The following GLIS3 variants were observed in gnomAD, a reference collection of about 807,000 sequenced individuals.
GLIS3 encodes GLIS family zinc finger 3.
In GLIS3, 53 loss-of-function variants were observed where a neutral mutation model predicts 78.6. The observed-to-expected ratio is 0.67, with a 90% CI of 0.54 to 0.85. GLIS3 has a LOEUF of 0.85. GLIS3 is among the 40% of genes least tolerant of loss of function. GLIS3 has a pLI of 0.00. For missense variants in GLIS3, 1,703 were observed against 1,231.1 expected, an observed-to-expected ratio of 1.38 and a Z score of -5.74; for synonymous variants, 684 against 509.9, an observed-to-expected ratio of 1.34 and a Z score of -4.60.
intron 2 of GLIS3, among the ~76,000 whole-genome samples, chr9:4,180,445 C>T (rs945840456): frequency 1.3e-5 from 2 of 152,158 alleles, no homozygotes; most frequent in African/African-American, 2.4e-5. Context: ...TCCTCATCAG[C>T]AAGGATGCCC....
chr9:4,371,756 A>C, the GLIS3 span, among the ~76,000 whole-genome samples: 1 of 152,204 alleles, frequency 6.6e-6, no homozygotes, highest in Non-Finnish European at 1.5e-5. Flanking sequence ...CTTAGGCTTT[A>C]AAGTGGGTCC....
chr9:3,959,429 G>A (rs757594737), intron 4 of GLIS3, among the ~76,000 whole-genome samples: 3 of 152,166 alleles, frequency 2.0e-5, no homozygotes, highest in Non-Finnish European at 4.4e-5. Context: ...GAGGACTAAG[G>A]CAGCTTTAAA....
the GLIS3 span, among the ~76,000 whole-genome samples, chr9:4,416,771 G>A: frequency 6.7e-6 from 1 of 148,768 alleles, no homozygotes; most frequent in African/African-American, 2.5e-5. Context: ...TGCATATCTA[G>A]AGTCTCTCAA....
chr9:4,137,676 G>C (rs908077907), intron 2 of GLIS3, among the ~76,000 whole-genome samples: 4 of 152,098 alleles, frequency 2.6e-5, no homozygotes, highest in African/African-American at 4.8e-5. Context: ...GTATTCTAAA[G>C]TCCCATCCGT....
chr9:3,880,451 C>A (rs777195536), intron 7 of GLIS3, among the ~76,000 whole-genome samples: 1 of 152,210 alleles, frequency 6.6e-6, no homozygotes. Flanking sequence ...ACTCCGTAGA[C>A]ATCTCATTAT....
At chr9:4,360,752 AGTTGT>A in the GLIS3 span, among the ~76,000 whole-genome samples, 2 of 152,142 alleles carry the variant, frequency 1.3e-5, no homozygotes, top group African/African-American at 4.8e-5. Context: ...CCTGACACAG[AGTTGT>A]GTTGAGTGTG....
intron 2 of GLIS3, among the ~76,000 whole-genome samples, chr9:4,244,665 C>G (rs1823631687): frequency 6.6e-6 from 1 of 152,092 alleles, no homozygotes; most frequent in South Asian, 2.1e-4. Context: ...ACCTCTACCT[C>G]CTGGGTTCAA....
chr9:4,107,003 T>A (rs1420796052), intron 4 of GLIS3, among the ~76,000 whole-genome samples: 2 of 152,012 alleles, frequency 1.3e-5, no homozygotes, highest in African/African-American at 4.8e-5. Context: ...ATGGAATCCT[T>A]GGAGAGTCAA....
At chr9:4,482,141 G>C in the GLIS3 span, among the ~76,000 whole-genome samples, 4 of 152,120 alleles carry the variant, frequency 2.6e-5, no homozygotes, top group African/African-American at 9.7e-5. Flanking sequence ...ACTTGGTCAA[G>C]GACATACAGC....
At chr9:4,242,520 C>A (rs1405545229) in intron 2 of GLIS3, among the ~76,000 whole-genome samples, 2 of 152,122 alleles carry the variant, frequency 1.3e-5, no homozygotes, top group African/African-American at 4.8e-5. Context: ...CTGGGCATGA[C>A]CAATGCATAC....
intron 2 of GLIS3, among the ~76,000 whole-genome samples, chr9:4,275,621 G>C (rs567877688): frequency 2.7e-5 from 4 of 148,534 alleles, no homozygotes; most frequent in African/African-American, 9.9e-5. Context: ...AAAAAAGCCA[G>C]GTGTGGTGAT....
intron 4 of GLIS3, among the ~76,000 whole-genome samples, chr9:4,101,854 T>G (rs1341605761): frequency 6.6e-6 from 1 of 152,164 alleles, no homozygotes; most frequent in East Asian, 1.9e-4. Flanking sequence ...AAGTGCACCC[T>G]TTCCACAACT....
chr9:4,119,674 G>C (rs1832034537), intron 3 of GLIS3, among the ~76,000 whole-genome samples: 1 of 152,142 alleles, frequency 6.6e-6, no homozygotes, highest in Non-Finnish European at 1.5e-5. Context: ...AAGCAGCTTT[G>C]GGCCAAGAGC....
At chr9:3,877,586 C>A (rs1821401470) in intron 8 of GLIS3, among the ~76,000 whole-genome samples, 1 of 152,200 alleles carries the variant, frequency 6.6e-6, no homozygotes, top group African/African-American at 2.4e-5. Context: ...CACACTACCA[C>A]ACTCTTTTTG....
chr9:4,409,349 G>T, the GLIS3 span, among the ~76,000 whole-genome samples: 1 of 152,158 alleles, frequency 6.6e-6, no homozygotes, highest in South Asian at 2.1e-4. Context: ...AGGGAAATGG[G>T]ACGTCAGAAT....
At chr9:4,144,097 T>C (rs762399182) in intron 2 of GLIS3, among the ~76,000 whole-genome samples, 1 of 152,294 alleles carries the variant, frequency 6.6e-6, no homozygotes, top group Admixed American at 6.5e-5. Flanking sequence ...AGAGCTGTTA[T>C]TGGACCTCAG....
At chr9:4,467,808 G>C in the GLIS3 span, among the ~76,000 whole-genome samples, 57 of 152,340 alleles carry the variant, frequency 3.7e-4, no homozygotes, top group African/African-American at 1.3e-3. Flanking sequence ...GAGAGAAGAA[G>C]GTTTCCGATG....
the GLIS3 span, among the ~76,000 whole-genome samples, chr9:4,473,163 G>C: frequency 6.6e-6 from 1 of 152,030 alleles, no homozygotes; most frequent in Non-Finnish European, 1.5e-5. Context: ...CAACCTAAAT[G>C]GCCATCAATG....
the GLIS3 span, among the ~76,000 whole-genome samples, chr9:4,374,885 AT>A: frequency 1.4e-4 from 22 of 152,058 alleles, no homozygotes; most frequent in African/African-American, 4.6e-4. Context: ...TTTGCCATCC[AT>A]TTTTTTCCAC....
Sources: gnomAD v4.1 joint callset for allele counts (sites outside exome capture counted in the v4.1 genomes callset) on GRCh38, gnomAD v4.1.1 for gene constraint, MANE v1.5 for transcripts, NCBI Gene and HGNC (gene_info 2026-07-23, HGNC 2026-07-21) for gene names.